The following ARHGAP15 variants were observed in gnomAD, a reference collection of about 807,000 sequenced individuals.
ARHGAP15 encodes rho GTPase-activating protein 15.
ARHGAP15 carries 51 observed loss-of-function variants against 63.7 expected under a neutral mutation model. The ratio of observed to expected loss-of-function variants is 0.80; its 90% CI spans 0.64 to 1.01. The LOEUF is 1.01. Among genes scored for constraint, ARHGAP15 ranks in the 50% least tolerant of loss-of-function variants. The pLI is 0.00. For missense variants in ARHGAP15, 560 were observed against 564.6 expected (o/e 0.99, Z 0.08); for synonymous variants, 191 against 193.8 (o/e 0.99, Z 0.12).
intron 9 of ARHGAP15, among the ~76,000 whole-genome samples, chr2:143,493,399 C>T (rs1692673058): frequency 6.6e-6 from 1 of 152,186 alleles, no homozygotes; most frequent in Admixed American, 6.5e-5. Flanking sequence ...TTGAACATAT[C>T]CATGGGTGGC....
At chr2:143,166,066 AAAAT>A (rs1342320483) in intron 2 of ARHGAP15, among the ~76,000 whole-genome samples, 18 of 151,774 alleles carry the variant, frequency 1.2e-4, no homozygotes, top group Admixed American at 8.5e-4. Flanking sequence ...AGAAAGAAAA[AAAAT>A]ATCTTCTTTC....
chr2:143,389,662 G>A (rs1687455531), intron 6 of ARHGAP15, among the ~76,000 whole-genome samples: 1 of 152,116 alleles, frequency 6.6e-6, no homozygotes, highest in African/African-American at 2.4e-5. Flanking sequence ...CCAGCTAGGT[G>A]GTAGAATTCC....
chr2:143,368,994 T>G (rs1285518009), intron 6 of ARHGAP15, among the ~76,000 whole-genome samples: 1 of 152,090 alleles, frequency 6.6e-6, no homozygotes. Context: ...AGAATGATAC[T>G]TTCTTTATTG....
intron 6 of ARHGAP15, among the ~76,000 whole-genome samples, chr2:143,434,968 A>G (rs1389035677): frequency 6.6e-6 from 1 of 152,158 alleles, no homozygotes; most frequent in Non-Finnish European, 1.5e-5. Flanking sequence ...TGTTCATTTG[A>G]TAAATACTCT....
chr2:143,743,860 G>A (rs1363322555), intron 13 of ARHGAP15, among the ~76,000 whole-genome samples: 1 of 151,660 alleles, frequency 6.6e-6, no homozygotes, highest in Non-Finnish European at 1.5e-5. Flanking sequence ...GCAAGGTTTG[G>A]ATGTTCTCTC....
chr2:143,481,270 C>T (rs1456078601), intron 8 of ARHGAP15, among the ~76,000 whole-genome samples: 1 of 152,030 alleles, frequency 6.6e-6, no homozygotes, highest in Non-Finnish European at 1.5e-5. Flanking sequence ...ATGTTGATCT[C>T]AATGTCAAAC....
chr2:143,155,409 A>G, intron 1 of ARHGAP15, 68 bp from the exon 2 acceptor site: 1 of 1,342,590 alleles, frequency 7.4e-7, no homozygotes, highest in Non-Finnish European at 1.0e-6. Context: ...TACTAGGGAC[A>G]CTCCATCAAG....
At chr2:143,690,656 T>C (rs1192692401) in intron 12 of ARHGAP15, among the ~76,000 whole-genome samples, 2 of 152,206 alleles carry the variant, frequency 1.3e-5, no homozygotes, top group African/African-American at 2.4e-5. Flanking sequence ...TTTTTCACTA[T>C]CTAAACCACA....
chr2:143,591,150 A>G (rs992291337), intron 11 of ARHGAP15, among the ~76,000 whole-genome samples: 1 of 152,284 alleles, frequency 6.6e-6, no homozygotes, highest in Non-Finnish European at 1.5e-5. Flanking sequence ...TAAATTTCCA[A>G]AAGTATACAT....
chr2:143,185,137 A>C (rs577148133), intron 2 of ARHGAP15, among the ~76,000 whole-genome samples: 249 of 152,318 alleles, frequency 1.6e-3, no homozygotes, highest in African/African-American at 5.8e-3. Context: ...AATTTTGAAA[A>C]ATGAAATGAA....
intron 13 of ARHGAP15, among the ~76,000 whole-genome samples, chr2:143,715,167 T>C (rs1684753815): frequency 6.6e-6 from 1 of 152,182 alleles, no homozygotes; most frequent in African/African-American, 2.4e-5. Flanking sequence ...AGGTACTTCT[T>C]ACATTGTGGA....
At chr2:143,319,199 G>A (rs1054234426) in intron 6 of ARHGAP15, among the ~76,000 whole-genome samples, 3 of 149,566 alleles carry the variant, frequency 2.0e-5, no homozygotes, top group Non-Finnish European at 4.4e-5. Context: ...TCTTGTGCAT[G>A]GCAAAAGATT....
At chr2:143,199,877 C>A (rs1381296614) in intron 2 of ARHGAP15, among the ~76,000 whole-genome samples, 1 of 152,036 alleles carries the variant, frequency 6.6e-6, no homozygotes, top group African/African-American at 2.4e-5. Context: ...AAACAGCTCT[C>A]TCCATAAAGC....
intron 6 of ARHGAP15, among the ~76,000 whole-genome samples, chr2:143,331,140 G>C (rs552002455): frequency 7.4e-4 from 113 of 152,270 alleles, no homozygotes; most frequent in African/African-American, 2.5e-3. Context: ...ACATAAACCA[G>C]AGTTGTCTTT....
At chr2:143,169,531 A>G (rs1690685186) in intron 2 of ARHGAP15, among the ~76,000 whole-genome samples, 3 of 152,084 alleles carry the variant, frequency 2.0e-5, no homozygotes, top group African/African-American at 7.2e-5. Flanking sequence ...GAAATAGGAG[A>G]AAATAGTTAT....
chr2:143,717,177 A>G (rs899202117), intron 13 of ARHGAP15, among the ~76,000 whole-genome samples: 4 of 152,168 alleles, frequency 2.6e-5, no homozygotes, highest in African/African-American at 9.7e-5. Context: ...AAAGCACTGA[A>G]CCCAGATGCC....
intron 10 of ARHGAP15, among the ~76,000 whole-genome samples, chr2:143,542,436 G>A (rs1368353343): frequency 1.3e-5 from 2 of 151,946 alleles, no homozygotes; most frequent in Non-Finnish European, 2.9e-5. Flanking sequence ...AACTCAGTTG[G>A]AAATGCAGAA....
chr2:143,307,410 C>T (rs1683223950), intron 6 of ARHGAP15, among the ~76,000 whole-genome samples: 2 of 152,232 alleles, frequency 1.3e-5, no homozygotes, highest in Middle Eastern at 3.4e-3. Flanking sequence ...GCTTTCCACA[C>T]CTCCAAACTA....
At chr2:143,355,561 T>G (rs1467060066) in intron 6 of ARHGAP15, among the ~76,000 whole-genome samples, 1 of 152,186 alleles carries the variant, frequency 6.6e-6, no homozygotes, top group African/African-American at 2.4e-5. Context: ...TTAATTACAG[T>G]TAGCCTAACA....
Sources: gnomAD v4.1 joint callset for allele counts (sites outside exome capture counted in the v4.1 genomes callset) on GRCh38, gnomAD v4.1.1 for gene constraint, MANE v1.5 for transcripts, NCBI Gene and HGNC (gene_info 2026-07-23, HGNC 2026-07-21) for gene names.